Variants in PRORP observed in about 807,000 individuals in gnomAD.
PRORP encodes mitochondrial ribonuclease P catalytic subunit.
In PRORP, 51 loss-of-function variants were observed where a neutral mutation model predicts 59.4. The ratio of observed to expected loss-of-function variants is 0.86; its 90% CI spans 0.69 to 1.08. PRORP has a LOEUF of 1.08. Among genes scored for constraint, PRORP ranks in the 50% least tolerant of loss-of-function variants. The probability of loss-of-function intolerance (pLI) is 0.00; values close to 1 mark genes in which losing one functional copy is unlikely to be tolerated. For synonymous variants in PRORP, 231 were observed against 245.6 expected (o/e 0.94, Z 0.55); for missense variants, 646 against 690.3 (o/e 0.94, Z 0.72).
At chr14:35,159,002 A>C (rs561697226) in intron 4 of PRORP, 1 of 344,940 alleles carries the variant, frequency 2.9e-6, no homozygotes, top group Non-Finnish European at 5.6e-6. Flanking sequence ...ACACATTTCC[A>C]TCATTCCAGT....
intron 4 of PRORP, among the ~76,000 whole-genome samples, chr14:35,136,786 G>A (rs1364767397): frequency 1.4e-5 from 2 of 145,340 alleles, no homozygotes; most frequent in East Asian, 2.3e-4. Context: ...GGTTAAATGC[G>A]AAGAGTGCCT....
In PRORP at chr14:35,218,239, C is replaced by T. The variant is rs1326885405; in HGVS notation, c.1275+37462C>T. ...CTTTGGGAAGCCGAGGTGGGAGGATCACTTGAGCCTAGGAGTTCGAGACCA... is the reference window on the plus strand; with the variant it reads ...CTTTGGGAAGCCGAGGTGGGAGGATTACTTGAGCCTAGGAGTTCGAGACCA... On this transcript the variant is annotated intron_variant, in intron 5 of 7. Coordinates refer to ENST00000534898, the MANE Select transcript of PRORP (RefSeq NM_014672.4). 3.3e-5 allele frequency among the ~76,000 whole-genome samples: 5 copies of T among 151,912 alleles called. No individual in the cohort carries two copies. In the South Asian group the frequency reaches 8.4e-4, roughly 25 times the overall value.
intron 4 of PRORP, among the ~76,000 whole-genome samples, chr14:35,149,687 C>T (rs964497614): frequency 6.6e-6 from 1 of 152,156 alleles, no homozygotes; most frequent in Non-Finnish European, 1.5e-5. Context: ...GATGTTTCAT[C>T]CAGACCACCA....
intron 4 of PRORP, among the ~76,000 whole-genome samples, chr14:35,173,209 T>C (rs2048364319): frequency 6.6e-6 from 1 of 152,166 alleles, no homozygotes; most frequent in Non-Finnish European, 1.5e-5. Context: ...TGACTGTGGA[T>C]CACATTTCTG....
intron 4 of PRORP, among the ~76,000 whole-genome samples, chr14:35,131,721 G>T (rs1039154961): frequency 6.6e-6 from 1 of 151,546 alleles, no homozygotes; most frequent in Non-Finnish European, 1.5e-5. Context: ...TAGAGACAGG[G>T]TTTCACTATG....
intron 5 of PRORP, among the ~76,000 whole-genome samples, chr14:35,229,958 T>G (rs1302734074): frequency 6.6e-6 from 1 of 152,130 alleles, no homozygotes; most frequent in Non-Finnish European, 1.5e-5. Flanking sequence ...ACTAGTTGAT[T>G]ACATATATGA....
intron 4 of PRORP, among the ~76,000 whole-genome samples, chr14:35,135,431 G>T (rs2047348685): frequency 6.6e-6 from 1 of 152,262 alleles, no homozygotes; most frequent in African/African-American, 2.4e-5. Flanking sequence ...ATATAAAGGA[G>T]AACATGTGGC....
intron 5 of PRORP, among the ~76,000 whole-genome samples, chr14:35,189,056 G>T (rs1383348408): frequency 6.6e-6 from 1 of 151,392 alleles, no homozygotes; most frequent in Non-Finnish European, 1.5e-5. Context: ...AGTTTGCATT[G>T]TTAGGGAAAT....
intron 5 of PRORP, among the ~76,000 whole-genome samples, chr14:35,248,910 A>C (rs2050546281): frequency 1.3e-5 from 2 of 152,180 alleles, no homozygotes; most frequent in African/African-American, 4.8e-5. Flanking sequence ...AGAAAACCGC[A>C]CTGGACTAGT....
At chr14:35,262,188 ATTAT>A in intron 5 of PRORP, among the ~76,000 whole-genome samples, 1 of 151,884 alleles carries the variant, frequency 6.6e-6, no homozygotes, top group South Asian at 2.1e-4. Context: ...TATTATTATT[ATTAT>A]TTAGAGATGG....
intron 4 of PRORP, 135 bp downstream of exon 4, chr14:35,127,746 T>A (rs1200451967): frequency 2.5e-6 from 2 of 799,908 alleles, no homozygotes; most frequent in Non-Finnish European, 4.0e-6. Context: ...TCAACTCTGC[T>A]GTTGTAGTTA....
At chr14:35,156,522 G>A (rs763556783) in intron 4 of PRORP, among the ~76,000 whole-genome samples, 1 of 152,130 alleles carries the variant, frequency 6.6e-6, no homozygotes, top group Non-Finnish European at 1.5e-5. Flanking sequence ...TTTTGAATTA[G>A]CAGATAACTC....
chr14:35,164,715 C>T (rs1214437939), intron 4 of PRORP, among the ~76,000 whole-genome samples: 1 of 152,064 alleles, frequency 6.6e-6, no homozygotes, highest in Middle Eastern at 3.2e-3. Context: ...ATGTAACGAA[C>T]CTCTACATGG....
chr14:35,232,262 G>A (rs942056978), intron 5 of PRORP, among the ~76,000 whole-genome samples: 2 of 150,876 alleles, frequency 1.3e-5, no homozygotes, highest in Non-Finnish European at 2.9e-5. Context: ...CTGGAGTGCA[G>A]TGACACAAAC....
intron 5 of PRORP, among the ~76,000 whole-genome samples, chr14:35,242,148 G>T (rs988313417): frequency 6.6e-6 from 1 of 152,166 alleles, no homozygotes; most frequent in Non-Finnish European, 1.5e-5. Context: ...ACTATGGAAT[G>T]AATTATTTAA....
chr14:35,172,628 C>T (rs2139001851), intron 4 of PRORP, among the ~76,000 whole-genome samples: 1 of 151,340 alleles, frequency 6.6e-6, no homozygotes, highest in East Asian at 1.9e-4. Context: ...CAGCTCACTG[C>T]AACCTTCGCC....
intron 4 of PRORP, among the ~76,000 whole-genome samples, chr14:35,131,424 T>C (rs1390236430): frequency 6.6e-6 from 1 of 152,232 alleles, no homozygotes; most frequent in Non-Finnish European, 1.5e-5. Context: ...ACTTTAAATA[T>C]GTCATGCCAT....
chr14:35,158,078 T>G (rs989628535), intron 4 of PRORP: 1 of 263,476 alleles, frequency 3.8e-6, no homozygotes, highest in African/African-American at 2.3e-5. Context: ...GAGCTCAACT[T>G]CAGAGTCCTT....
At chr14:35,254,283 C>T (rs1426842360) in intron 5 of PRORP, among the ~76,000 whole-genome samples, 1 of 152,164 alleles carries the variant, frequency 6.6e-6, no homozygotes, top group African/African-American at 2.4e-5. Context: ...GCAGAAGCCT[C>T]CTAATTGATC....
Sources: allele counts gnomAD v4.1 joint callset (sites outside exome capture counted in the v4.1 genomes callset), GRCh38; gene constraint gnomAD v4.1.1; transcripts MANE v1.5; gene names NCBI Gene and HGNC (gene_info 2026-07-23, HGNC 2026-07-21).